WRN: variants seen among roughly 807,000 people sequenced by gnomAD.
WRN encodes the protein WRN RecQ like helicase, also known as bifunctional 3'-5' exonuclease/ATP-dependent helicase WRN.
Under a neutral mutation model 180.7 loss-of-function variants are expected in WRN, and 149 were observed. The observed-to-expected ratio is 0.82, with a 90% CI of 0.72 to 0.94. WRN has a LOEUF of 0.94. Among genes scored for constraint, WRN ranks in the 40% least tolerant of loss-of-function variants. The probability of loss-of-function intolerance (pLI) is 0.00; values close to 1 mark genes in which losing one functional copy is unlikely to be tolerated. For synonymous variants in WRN, 548 were observed against 568.9 expected (o/e 0.96, Z 0.52); for missense variants, 1,661 against 1,700.1 (o/e 0.98, Z 0.40).
chr8:31,058,758 C>T (rs779193497), intron 2 of WRN, among the ~76,000 whole-genome samples: 22 of 152,182 alleles, frequency 1.4e-4, no homozygotes, highest in Non-Finnish European at 2.6e-4. Flanking sequence ...TTCTCTTTTT[C>T]GGGTTGACTT....
chr8:31,160,590 C>T (rs1431608208), intron 33 of WRN, among the ~76,000 whole-genome samples: 1 of 152,172 alleles, frequency 6.6e-6, no homozygotes, highest in South Asian at 2.1e-4. Context: ...TCATGCTCAT[C>T]GTGTGGAATT....
chr8:31,114,878 A>G (rs769380794), intron 19 of WRN, among the ~76,000 whole-genome samples: 27 of 150,636 alleles, frequency 1.8e-4, no homozygotes, highest in Non-Finnish European at 3.0e-4. Context: ...CTTTGAAAAC[A>G]TGTTTTTAAA....
chr8:31,061,810 C>A (rs1480836431), intron 3 of WRN, among the ~76,000 whole-genome samples: 3 of 152,160 alleles, frequency 2.0e-5, no homozygotes, highest in Non-Finnish European at 4.4e-5. Context: ...ATGCCTCTTA[C>A]CTTTGTGTAA....
At chr8:31,111,882 A>G in intron 19 of WRN, 83 bp downstream of exon 19, 1 of 1,493,920 alleles carries the variant, frequency 6.7e-7, no homozygotes, top group Non-Finnish European at 9.1e-7. Flanking sequence ...GTTATTTACG[A>G]TTTCCTTCTA....
chr8:31,035,444 T>C (rs1391721503), intron 1 of WRN, among the ~76,000 whole-genome samples: 1 of 152,136 alleles, frequency 6.6e-6, no homozygotes, highest in East Asian at 1.9e-4. Context: ...TGGGGGAACC[T>C]GCCTCTTTAT....
At position 31,132,443 on chromosome 8, in the gene WRN, T is replaced by C. The variant is rs1239030564; in HGVS notation, c.2904T>C (p.Ser968=). 2 of 1,614,204 alleles carry C rather than the reference T, an allele frequency of 1.2e-6. No homozygotes were observed. The highest frequency in any genetic ancestry group is 1.1e-5 in the South Asian group (1 of 91,084). Reference sequence around the variant, plus strand: ...GTCCACAAGCATTTAAGCTTTTGTCTGCTGTGGACATCTTAGGCGAAAAAT... The same window carrying C: ...GTCCACAAGCATTTAAGCTTTTGTCCGCTGTGGACATCTTAGGCGAAAAAT... The part of the protein sequence containing the change: ...DFGPQAFKLL[S]AVDILGEKFG... Residue 968 remains serine (S), a synonymous_variant, in exon 24 of 35, where the codon TCT becomes TCC. Coordinates refer to ENST00000298139, the MANE Select transcript of WRN (RefSeq NM_000553.6).
At chr8:31,075,644 C>T (rs1008049727) in intron 7 of WRN, among the ~76,000 whole-genome samples, 2 of 151,078 alleles carry the variant, frequency 1.3e-5, no homozygotes, top group African/African-American at 4.9e-5. Flanking sequence ...AGCTTGAAGC[C>T]GGGAGGTGGA....
chr8:31,154,368 C>T (rs909864827), intron 31 of WRN, among the ~76,000 whole-genome samples: 2 of 151,822 alleles, frequency 1.3e-5, no homozygotes, highest in African/African-American at 4.8e-5. Flanking sequence ...CCTTCTTATT[C>T]GTTAAAGAAA....
chr8:31,112,777 G>A (rs1273328472), intron 19 of WRN, among the ~76,000 whole-genome samples: 7 of 151,952 alleles, frequency 4.6e-5, no homozygotes, highest in East Asian at 1.9e-4. Context: ...TAGTGGAGAC[G>A]GGGTTTCACC....
chr8:31,130,985 G>A (rs1372092242), intron 23 of WRN, among the ~76,000 whole-genome samples: 1 of 151,752 alleles, frequency 6.6e-6, no homozygotes, highest in East Asian at 1.9e-4. Context: ...CATCTCCATC[G>A]AAGTCAATCT....
At chr8:31,091,764 C>T (rs1813754934) in intron 15 of WRN, 66 bp from the exon 16 acceptor site, 1 of 1,386,350 alleles carries the variant, frequency 7.2e-7, no homozygotes, top group African/African-American at 1.4e-5. Flanking sequence ...TTCTTTCTCA[C>T]TTAAGAGTGA....
At chr8:31,073,230 C>T (rs1812974867) in intron 7 of WRN, among the ~76,000 whole-genome samples, 1 of 152,134 alleles carries the variant, frequency 6.6e-6, no homozygotes, top group African/African-American at 2.4e-5. Context: ...ATTGTAACAG[C>T]CCAAGCAATA....
intron 33 of WRN, among the ~76,000 whole-genome samples, chr8:31,158,741 TGACTTGACTGAAG>T (rs1305915095): frequency 6.6e-6 from 1 of 151,988 alleles, no homozygotes; most frequent in Non-Finnish European, 1.5e-5. Flanking sequence ...GACTTGAGTG[TGACTTGACTGAAG>T]GTCTAAAGAA....
rs1285602683 is a variant in WRN at position 31,067,601 on chromosome 8, TGTG to T, written c.654+423_654+425del. The stretch of plus-strand genomic sequence containing the variant: ...CTGGCCTTATTTCTTATATATAAAA[TGTG>T]GTGAAATTTTAGAAAAATTGCCTCC... On this transcript the variant is annotated intron_variant, in intron 6 of 34. Coordinates refer to ENST00000298139, the MANE Select transcript of WRN (RefSeq NM_000553.6). 2.6e-5 allele frequency among the ~76,000 whole-genome samples: 4 copies of T among 152,326 alleles called. No homozygotes were observed. In the East Asian group the frequency reaches 7.7e-4, roughly 29 times the overall value.
In WRN at chr8:31,124,558, A is replaced by G; in HGVS notation, c.2667A>G (p.Arg889=). Residue 889 remains arginine (R), a synonymous_variant, in exon 22 of 35, where the codon CGA becomes CGG. Transcript: ENST00000298139. ...LLTEIRNEKF[R]LYKLKMMAKM... ...CTGAGATACGTAATGAGAAGTTTCG[A>G]TTATACAAATTAAAGATGATGGCAA... The G allele has an allele frequency of 6.2e-7, 1 of 1,613,026 alleles. No individual in the cohort carries two copies. The highest frequency in any genetic ancestry group is 8.5e-7 in the Non-Finnish European group (1 of 1,179,262).
At chr8:31,055,754 A>G (rs947481445) in intron 1 of WRN, among the ~76,000 whole-genome samples, 3 of 152,166 alleles carry the variant, frequency 2.0e-5, no homozygotes, top group Non-Finnish European at 4.4e-5. Flanking sequence ...GCTAAAAGAC[A>G]TGATTTTAGA....
intron 19 of WRN, among the ~76,000 whole-genome samples, chr8:31,112,534 T>G (rs1008535430): frequency 4.6e-5 from 7 of 151,874 alleles, no homozygotes; most frequent in African/African-American, 1.7e-4. Context: ...TTAAAGGCAT[T>G]TTAAATATAT....
intron 17 of WRN, among the ~76,000 whole-genome samples, chr8:31,099,630 G>A (rs1814142924): frequency 6.7e-6 from 1 of 149,764 alleles, no homozygotes; most frequent in Admixed American, 6.7e-5. Context: ...TGTAATGTTA[G>A]TGAATTGTAA....
At chr8:31,120,049 C>T in intron 20 of WRN, 194 bp from the exon 21 acceptor site, 1 of 620,102 alleles carries the variant, frequency 1.6e-6, no homozygotes. Context: ...GAACAGAAAT[C>T]CCATTTCTAG....
Sources: allele counts gnomAD v4.1 joint callset (sites outside exome capture counted in the v4.1 genomes callset), GRCh38; gene constraint gnomAD v4.1.1; transcripts MANE v1.5; gene names NCBI Gene and HGNC (gene_info 2026-07-23, HGNC 2026-07-21).